Variants in VPS8 observed in about 807,000 individuals in gnomAD.
The protein encoded by VPS8 is VPS8 subunit of CORVET complex.
VPS8 carries 129 observed loss-of-function variants against 216.4 expected under a neutral mutation model. That is an observed-to-expected ratio of 0.60 (90% CI 0.52 to 0.69). The LOEUF (loss-of-function observed/expected upper bound fraction) is 0.69. VPS8 is among the 30% of genes least tolerant of loss of function. VPS8 has a pLI of 0.00. For missense variants in VPS8, 1,531 were observed against 1,683.5 expected (o/e 0.91, Z 1.59); for synonymous variants, 571 against 565.4 (o/e 1.01, Z -0.14).
At chr3:184,838,150 T>C (rs1285415089) in intron 5 of VPS8, among the ~76,000 whole-genome samples, 3 of 152,206 alleles carry the variant, frequency 2.0e-5, no homozygotes, top group Non-Finnish European at 2.9e-5. Context: ...AGACTAATGT[T>C]CAGAAAAGTT....
intron 20 of VPS8, among the ~76,000 whole-genome samples, chr3:184,870,242 C>T (rs181915760): frequency 1.3e-5 from 2 of 152,306 alleles, no homozygotes; most frequent in East Asian, 3.9e-4. Context: ...TATTGACCTT[C>T]TGTTCCTACT....
intron 36 of VPS8, among the ~76,000 whole-genome samples, 195 bp downstream of exon 36, chr3:184,940,438 A>G (rs1742472439): frequency 6.6e-6 from 1 of 152,216 alleles, no homozygotes; most frequent in South Asian, 2.1e-4. Flanking sequence ...TTGAGATAAT[A>G]CTTTTCTTTC....
chr3:184,886,943 G>A (rs1171621981), intron 22 of VPS8, among the ~76,000 whole-genome samples: 1 of 152,184 alleles, frequency 6.6e-6, no homozygotes. Flanking sequence ...AAAAAGGCTA[G>A]ATTCATTGTG....
intron 40 of VPS8, among the ~76,000 whole-genome samples, chr3:184,976,788 C>T (rs971748006): frequency 2.0e-5 from 3 of 152,154 alleles, no homozygotes; most frequent in Admixed American, 1.3e-4. Flanking sequence ...CTGCAAAGGA[C>T]ATGATTTCAT....
At chr3:184,994,668 A>G (rs375165350) in intron 43 of VPS8, among the ~76,000 whole-genome samples, 3 of 152,258 alleles carry the variant, frequency 2.0e-5, no homozygotes, top group African/African-American at 4.8e-5. Flanking sequence ...ACAAAGCTAT[A>G]TACCACATGA....
At chr3:184,984,029 A>C (rs969998553) in intron 42 of VPS8, among the ~76,000 whole-genome samples, 13 of 149,598 alleles carry the variant, frequency 8.7e-5, no homozygotes, top group Admixed American at 7.3e-4. Flanking sequence ...CTAAAAATAC[A>C]AAAAAATAGC....
intron 45 of VPS8, among the ~76,000 whole-genome samples, chr3:185,001,514 G>A (rs544330652): frequency 6.6e-6 from 1 of 152,300 alleles, no homozygotes; most frequent in African/African-American, 2.4e-5. Flanking sequence ...GAGATTCCAT[G>A]CCCTTTCTGG....
chr3:184,937,514 C>G (rs936812575), intron 35 of VPS8, among the ~76,000 whole-genome samples: 1 of 152,160 alleles, frequency 6.6e-6, no homozygotes, highest in Non-Finnish European at 1.5e-5. Flanking sequence ...AATTTTTCCT[C>G]TAGAACAGAG....
At chr3:184,824,824 C>T in intron 2 of VPS8, 39 bp downstream of exon 2, 1 of 1,553,162 alleles carries the variant, frequency 6.4e-7, no homozygotes, top group Non-Finnish European at 8.7e-7. Flanking sequence ...AATGTTTAAC[C>T]AGTGTAGATT....
intron 7 of VPS8, chr3:184,839,990 C>A: frequency 1.9e-6 from 2 of 1,047,106 alleles, no homozygotes; most frequent in Non-Finnish European, 2.5e-6. Context: ...ATCTATTGAT[C>A]TCTCTGCAAA....
chr3:184,948,169 G>A (rs1242693353), intron 36 of VPS8, among the ~76,000 whole-genome samples: 1 of 150,878 alleles, frequency 6.6e-6, no homozygotes, highest in African/African-American at 2.4e-5. Context: ...TATTATACTT[G>A]GCCTGATCAT....
intron 46 of VPS8, among the ~76,000 whole-genome samples, chr3:185,025,002 C>CAAAAAAAAAA (rs10672539): frequency 6.7e-6 from 1 of 149,956 alleles, no homozygotes; most frequent in African/African-American, 2.5e-5. Flanking sequence ...AACTCCATCT[C>CAAAAAAAAAA]AAAAAAAGAA....
chr3:184,978,437 A>G (rs1054085157), intron 40 of VPS8, among the ~76,000 whole-genome samples: 1 of 150,744 alleles, frequency 6.6e-6, no homozygotes, highest in African/African-American at 2.4e-5. Context: ...TTTTTGAGGC[A>G]GGGTCTTGCT....
chr3:184,894,617 G>T, intron 22 of VPS8, 86 bp from the exon 23 acceptor site: 1 of 1,052,366 alleles, frequency 9.5e-7, no homozygotes. Context: ...TTGAAGTAGG[G>T]AAAAGATGAG....
At chr3:184,837,676 T>G (rs4432622) in intron 5 of VPS8, among the ~76,000 whole-genome samples, 73,598 of 151,960 alleles carry the variant, frequency 0.48, 19,290 homozygotes, top group African/African-American at 0.67. Flanking sequence ...CTACAGAGTT[T>G]GTTAAATAGA....
At chr3:184,872,857 C>G (rs527958127) in intron 21 of VPS8, among the ~76,000 whole-genome samples, 3 of 152,136 alleles carry the variant, frequency 2.0e-5, no homozygotes, top group African/African-American at 7.2e-5. Flanking sequence ...ACAGGAAATT[C>G]TAAAATTTCA....
At chr3:184,896,656 A>G (rs758415461) in intron 23 of VPS8, among the ~76,000 whole-genome samples, 2 of 152,188 alleles carry the variant, frequency 1.3e-5, no homozygotes, top group Non-Finnish European at 2.9e-5. Flanking sequence ...TCGTTAATTC[A>G]AGAAGTGTTT....
intron 37 of VPS8, among the ~76,000 whole-genome samples, chr3:184,959,705 T>C (rs1160337472): frequency 2.0e-5 from 3 of 152,322 alleles, no homozygotes; most frequent in East Asian, 1.9e-4. Flanking sequence ...GCTTTTTCCA[T>C]TGGGGTTTGG....
chr3:184,917,287 A>G (rs547197355), intron 28 of VPS8, among the ~76,000 whole-genome samples: 1 of 152,240 alleles, frequency 6.6e-6, no homozygotes, highest in African/African-American at 2.4e-5. Context: ...ATTGAAAAAA[A>G]TTCAATATAG....
Sources: allele counts gnomAD v4.1 joint callset (sites outside exome capture counted in the v4.1 genomes callset), GRCh38; gene constraint gnomAD v4.1.1; transcripts MANE v1.5; gene names NCBI Gene and HGNC (gene_info 2026-07-23, HGNC 2026-07-21).